RBM25: variants seen among roughly 807,000 people sequenced by gnomAD.
RBM25 encodes the protein RNA-binding protein 25.
In RBM25, 19 loss-of-function variants were observed where a neutral mutation model predicts 120.7. The ratio of observed to expected loss-of-function variants is 0.16; its 90% CI spans 0.11 to 0.23. The LOEUF (loss-of-function observed/expected upper bound fraction) is 0.23, where lower values mean the gene tolerates loss of function less well. RBM25 is among the 10% of genes least tolerant of loss of function. RBM25 has a pLI of 1.00. For synonymous variants in RBM25, 390 were observed against 326.7 expected, an observed-to-expected ratio of 1.19 and a Z score of -2.09; for missense variants, 605 against 1,041.5, an observed-to-expected ratio of 0.58 and a Z score of 5.77.
chr14:73,086,553 A>G (rs907347602), intron 5 of RBM25, among the ~76,000 whole-genome samples: 1 of 151,922 alleles, frequency 6.6e-6, no homozygotes, highest in East Asian at 1.9e-4. Flanking sequence ...ATATATTTGT[A>G]TCTCCTTTTT....
At chr14:73,084,099 T>C (rs1895628816) in intron 5 of RBM25, among the ~76,000 whole-genome samples, 1 of 152,072 alleles carries the variant, frequency 6.6e-6, no homozygotes, top group Non-Finnish European at 1.5e-5. Context: ...GGTTTCACCA[T>C]GTTGGCCAGG....
At chr14:73,109,521 C>T (rs550673147) in intron 14 of RBM25, 29 bp downstream of exon 14, 39 of 1,594,272 alleles carry the variant, frequency 2.4e-5, no homozygotes, top group Non-Finnish European at 3.1e-5. Flanking sequence ...TGGTCGGGCG[C>T]GGTGGCTCAC....
chr14:73,096,039 G>A (rs1230213070), intron 6 of RBM25, among the ~76,000 whole-genome samples: 7 of 152,052 alleles, frequency 4.6e-5, no homozygotes, highest in East Asian at 3.9e-4. Context: ...GTGCAGTGGC[G>A]TAATCTCTGC....
chr14:73,071,731 T>C lies in RBM25; in HGVS notation c.90T>C (p.Pro30=). 6.2e-7 allele frequency: 1 copy of C among 1,612,978 alleles called. No individual in the cohort carries two copies. Residue 30 remains proline, a synonymous_variant, in exon 2 of 19, where the codon CCT becomes CCC. Coordinates refer to ENST00000261973, the MANE Select transcript of RBM25 (RefSeq NM_021239.3). ...CACCCCCGCAGTTTCCAGGATTTCC[T>C]CCACCTGTACCTCCAGGTAAGTTTG... ...GIPPPQFPGF[P]PPVPPGTPMI...
Position 73,111,728 on chromosome 14 carries a change from A to G in RBM25, c.2218A>G (p.Ser740Gly). 6.2e-7 allele frequency: 1 copy of G among 1,614,082 alleles called. No individual in the cohort carries two copies. The change falls in exon 16 of 19, where the codon AGT becomes GGT. Residue 740 changes from serine to glycine, a missense_variant. Around this residue, in one of 4 missense-constraint regions of RBM25, gnomAD observed 465 missense variants for 741.6 expected, o/e 0.63. Coordinates refer to ENST00000261973, the MANE Select transcript of RBM25 (RefSeq NM_021239.3). The part of the protein sequence containing the change: ...NTEEKRKHIK[S>G]LIEKIPTAKP... ...TGAAGAAAAGCGTAAACACATTAAG[A>G]GTCTCATTGAGAAAATCCCTACAGC... is the stretch of plus-strand genomic sequence containing the variant.
intron 12 of RBM25, 40 bp from the exon 13 acceptor site, chr14:73,107,786 T>C: frequency 2.1e-6 from 3 of 1,406,900 alleles, no homozygotes; most frequent in Non-Finnish European, 3.0e-6. Context: ...TCTTTATTAC[T>C]TGTATGTTAA....
chr14:73,096,557 G>A (rs796137890), intron 6 of RBM25, among the ~76,000 whole-genome samples: 2 of 152,042 alleles, frequency 1.3e-5, no homozygotes, highest in South Asian at 2.1e-4. Context: ...CCTTTACTAC[G>A]TAACTGAATT....
chr14:73,085,519 G>A lies in RBM25; in HGVS notation c.382+1968G>A, dbSNP rs941086982. Among the ~76,000 whole-genome samples the A allele has an allele frequency of 5.3e-5, 7 of 131,318 alleles. 2 individuals carry two copies. The highest frequency in any genetic ancestry group is 1.2e-4 in the Non-Finnish European group (7 of 57,928). 86.1% of individuals were successfully genotyped at this position (131,318 alleles called of 152,430 possible). A position where few individuals can be genotyped will look rare whatever the true frequency, so the allele number is the denominator to read the frequency against. ...GAGTGCGATGGCACCATCTCAGCTC[G>A]CTGCAACCTCCGCCTCCTGGGTTCA... On this transcript the variant is annotated intron_variant, in intron 5 of 18. Transcript: ENST00000261973.
chr14:73,113,442 C>T (rs1014344697), intron 17 of RBM25, among the ~76,000 whole-genome samples: 27 of 151,688 alleles, frequency 1.8e-4, no homozygotes, highest in African/African-American at 6.5e-4. Flanking sequence ...TTGTAATTCC[C>T]GCACTTTGGG....
intron 18 of RBM25, among the ~76,000 whole-genome samples, chr14:73,116,839 T>G (rs1896437603): frequency 6.6e-6 from 1 of 152,178 alleles, no homozygotes; most frequent in Admixed American, 6.5e-5. Flanking sequence ...GCTCGTTGAT[T>G]AGAATGAGAG....
At chr14:73,061,151 G>A (rs1175120502) in intron 1 of RBM25, among the ~76,000 whole-genome samples, 1 of 150,304 alleles carries the variant, frequency 6.7e-6, no homozygotes, top group Non-Finnish European at 1.5e-5. Flanking sequence ...TCCGCCTCCC[G>A]GGTTCAAGCA....
chr14:73,107,689 T>C (rs1301887378), intron 12 of RBM25, 137 bp from the exon 13 acceptor site: 2 of 671,356 alleles, frequency 3.0e-6, no homozygotes, highest in Non-Finnish European at 5.2e-6. Context: ...TAAAATTATG[T>C]GAAGAGAAAT....
intron 17 of RBM25, among the ~76,000 whole-genome samples, chr14:73,112,600 G>C (rs1411070887): frequency 6.6e-6 from 1 of 151,760 alleles, no homozygotes; most frequent in African/African-American, 2.4e-5. Context: ...TTCTTGTCTT[G>C]GTTGGAATAA....
chr14:73,087,298 A>G (rs1352769934), intron 5 of RBM25, among the ~76,000 whole-genome samples: 3 of 152,020 alleles, frequency 2.0e-5, no homozygotes, highest in Non-Finnish European at 2.9e-5. Context: ...AACATCTCAG[A>G]ATTGAAAAGT....
intron 10 of RBM25, among the ~76,000 whole-genome samples, chr14:73,103,932 TCTCTCTCTCTCTCTCTCACACACA>T (rs1381824936): frequency 0.054 from 4,376 of 80,608 alleles, 67 homozygotes; most frequent in African/African-American, 0.11. Flanking sequence ...TCTCTCTCTC[TCTCTCTCTCTCTCTCTCACACACA>T]CACACACACA....
At chr14:73,071,857 G>A in intron 2 of RBM25, 110 bp downstream of exon 2, 1 of 809,568 alleles carries the variant, frequency 1.2e-6, no homozygotes, top group Non-Finnish European at 2.0e-6. Context: ...ATGCCTCTCA[G>A]CGTTGTTTGG....
At chr14:73,079,574 T>C (rs551300653) in intron 4 of RBM25, among the ~76,000 whole-genome samples, 2 of 150,678 alleles carry the variant, frequency 1.3e-5, no homozygotes, top group South Asian at 2.1e-4. Context: ...ACCTCATGAG[T>C]AGTTCAGTAT....
At chr14:73,064,773 A>G in intron 1 of RBM25, among the ~76,000 whole-genome samples, 1 of 151,248 alleles carries the variant, frequency 6.6e-6, no homozygotes, top group Non-Finnish European at 1.5e-5. Flanking sequence ...AGTCCAGCCT[A>G]TCAACAAGCA....
At chr14:73,072,241 G>T (rs939216156) in intron 2 of RBM25, among the ~76,000 whole-genome samples, 3 of 151,746 alleles carry the variant, frequency 2.0e-5, no homozygotes, top group Admixed American at 1.3e-4. Context: ...CAAAGTGCGG[G>T]ATTACAGGTG....
Sources: allele counts gnomAD v4.1 joint callset (sites outside exome capture counted in the v4.1 genomes callset), GRCh38; gene constraint gnomAD v4.1.1; regional missense constraint gnomAD v4.1.1; transcripts MANE v1.5; gene names NCBI Gene and HGNC (gene_info 2026-07-23, HGNC 2026-07-21).